Variants in SLC7A13 observed in about 807,000 individuals in gnomAD.
The protein encoded by SLC7A13 is X-amino acid transporter 2.
In SLC7A13, 31 loss-of-function variants were observed where a neutral mutation model predicts 32.0. That is an observed-to-expected ratio of 0.97 (90% CI 0.73 to 1.31). The LOEUF is 1.31. Among genes scored for constraint, SLC7A13 ranks in the 50% most tolerant of loss-of-function variants. The probability of loss-of-function intolerance (pLI) is 0.00; values close to 1 mark genes in which losing one functional copy is unlikely to be tolerated. For missense variants in SLC7A13, 633 were observed against 546.9 expected, an observed-to-expected ratio of 1.16 and a Z score of -1.57; for synonymous variants, 232 against 206.9, an observed-to-expected ratio of 1.12 and a Z score of -1.04.
chr8:86,219,956 T>C (rs1051566984), intron 2 of SLC7A13, among the ~76,000 whole-genome samples: 1 of 152,144 alleles, frequency 6.6e-6, no homozygotes, highest in African/African-American at 2.4e-5. Context: ...TATTACAAAA[T>C]TGCCCTCCAA....
intron 2 of SLC7A13, among the ~76,000 whole-genome samples, chr8:86,220,745 T>G (rs1820279997): frequency 6.6e-6 from 1 of 152,118 alleles, no homozygotes; most frequent in Non-Finnish European, 1.5e-5. Flanking sequence ...GGCTCACGTC[T>G]GTAACCCCAG....
At chr8:86,227,313 A>T (rs932473456) in intron 1 of SLC7A13, among the ~76,000 whole-genome samples, 1 of 152,170 alleles carries the variant, frequency 6.6e-6, no homozygotes, top group African/African-American at 2.4e-5. Context: ...AAGGAAAAGA[A>T]CTGATTTTTT....
chr8:86,226,798 A>T (rs1820394914), intron 1 of SLC7A13, among the ~76,000 whole-genome samples: 1 of 152,102 alleles, frequency 6.6e-6, no homozygotes, highest in African/African-American at 2.4e-5. Flanking sequence ...TTATATCTAC[A>T]CTGCATGCTT....
At chr8:86,215,670 G>A (rs1274920560) in intron 3 of SLC7A13, 1 of 446,456 alleles carries the variant, frequency 2.2e-6, no homozygotes, top group Non-Finnish European at 4.5e-6. Context: ...TCTCCAGCCT[G>A]GACGACAAGA....
intron 2 of SLC7A13, among the ~76,000 whole-genome samples, chr8:86,218,959 A>C (rs771895139): frequency 5.9e-5 from 9 of 152,190 alleles, no homozygotes; most frequent in Non-Finnish European, 1.3e-4. Context: ...ATACTGGCTT[A>C]TAACACAAGG....
At position 86,224,762 on chromosome 8, in the gene SLC7A13, A is replaced by G. The variant is rs551982310; in HGVS notation, c.686-1659T>C. Among the ~76,000 whole-genome samples the G allele has an allele frequency of 1.5e-4, 23 of 152,362 alleles. No homozygotes were observed. The South Asian group carries it at 4.8e-3, about 32-fold the overall frequency. On this transcript the variant is annotated intron_variant, in intron 1 of 3. Transcript: ENST00000297524. ...CCACTGGAAGCCAATGATTTTCGGTATACAGGAAAATTTATCTCAAGAATT... is the reference window on the plus strand; with the variant it reads ...CCACTGGAAGCCAATGATTTTCGGTGTACAGGAAAATTTATCTCAAGAATT...
Position 86,229,740 on chromosome 8 carries a change from C to G in SLC7A13, c.538G>C (p.Val180Leu), listed in dbSNP as rs780882826. Residue 180 changes from valine (V) to leucine (L), a missense_variant, in exon 1 of 4, where the codon GTG (valine) becomes CTG (leucine). Coordinates refer to ENST00000297524, the MANE Select transcript of SLC7A13 (RefSeq NM_138817.3). ...ILSFISLTGV[V>L]FLIRGKKENV... ...TCCTTTTTCCCTCTTATCAGGAACACTACTCCAGTTAGGGAAATGAAGCTA... is the reference window on the plus strand; with the variant it reads ...TCCTTTTTCCCTCTTATCAGGAACAGTACTCCAGTTAGGGAAATGAAGCTA... The G allele has an allele frequency of 6.2e-7, 1 of 1,614,186 alleles. No homozygotes were observed.
chr8:86,226,800 T>C (rs1820394953), intron 1 of SLC7A13, among the ~76,000 whole-genome samples: 1 of 152,218 alleles, frequency 6.6e-6, no homozygotes, highest in East Asian at 1.9e-4. Context: ...ATATCTACAC[T>C]GCATGCTTCT....
intron 1 of SLC7A13, among the ~76,000 whole-genome samples, chr8:86,225,408 G>C (rs1018336279): frequency 3.3e-5 from 5 of 152,104 alleles, no homozygotes. Flanking sequence ...CATATAATAA[G>C]TGCTGAATAA....
chr8:86,216,125 A>G (rs1404532481), intron 3 of SLC7A13, among the ~76,000 whole-genome samples: 1 of 152,218 alleles, frequency 6.6e-6, no homozygotes, highest in African/African-American at 2.4e-5. Context: ...TGTTATTTGT[A>G]TATAACAAAT....
Position 86,217,480 on chromosome 8 carries a change from A to G in SLC7A13, c.1169T>C (p.Ile390Thr), listed in dbSNP as rs755222806. 7 of 1,576,540 alleles carry G rather than the reference A, an allele frequency of 4.4e-6. No individual in the cohort carries two copies. Among genetic ancestry groups the G allele is most frequent in the African/African-American group, 1.4e-5 (1 of 73,360 alleles). The change falls in exon 3 of 4, where the codon ATA (isoleucine) becomes ACA (threonine). Residue 390 changes from isoleucine (I) to threonine (T), a missense_variant. By Grantham distance (89) the Ile-to-Thr change is moderately conservative. Coordinates refer to ENST00000297524, the MANE Select transcript of SLC7A13 (RefSeq NM_138817.3). ...RRRYQEPNLS[I>T]PYKVFLSFPL... ...GAAATCCAATTTTACCTTATAAGGT[A>G]TAGATAGATTGGGTTCCTGGTATCT...
rs1586146092 is a variant in SLC7A13, at chr8:86,221,337, T to G, written c.817+1635A>C. On this transcript the variant is annotated intron_variant, in intron 2 of 3. Coordinates refer to ENST00000297524, the MANE Select transcript of SLC7A13 (RefSeq NM_138817.3). ...GATATTTTTATGGTTTTTAATTTTT[T>G]GCTATCATACATAAAGCTATGATTA... 2.0e-5 allele frequency among the ~76,000 whole-genome samples: 3 copies of G among 152,312 alleles called. No individual in the cohort carries two copies. The East Asian group carries it at 5.8e-4, about 29-fold the overall frequency.
intron 1 of SLC7A13, 30 bp from the exon 2 acceptor site, chr8:86,223,133 T>C (rs377459655): frequency 1.4e-5 from 21 of 1,528,050 alleles, no homozygotes; most frequent in African/African-American, 4.2e-5. Flanking sequence ...ACAACCATAA[T>C]TGGTAAACAT....
intron 2 of SLC7A13, among the ~76,000 whole-genome samples, chr8:86,218,684 A>G (rs1820237787): frequency 6.6e-6 from 1 of 151,582 alleles, no homozygotes; most frequent in Admixed American, 6.6e-5. Flanking sequence ...AAGATAAAAG[A>G]TCTTATGAGT....
chr8:86,229,292 C>T (rs1413752788), intron 1 of SLC7A13, among the ~76,000 whole-genome samples: 1 of 148,830 alleles, frequency 6.7e-6, no homozygotes, highest in Non-Finnish European at 1.5e-5. Context: ...AATATTTTCA[C>T]AACCCCAGCA....
At chr8:86,226,379 A>G (rs1563591738) in intron 1 of SLC7A13, among the ~76,000 whole-genome samples, 1 of 152,192 alleles carries the variant, frequency 6.6e-6, no homozygotes, top group Non-Finnish European at 1.5e-5. Context: ...AACTCAATGC[A>G]AACTGACTTC....
At position 86,230,031 on chromosome 8, in the gene SLC7A13, A is replaced by G; in HGVS notation, c.247T>C (p.Phe83Leu). The G allele has an allele frequency of 6.2e-7, 1 of 1,614,180 alleles. No individual in the cohort carries two copies. Among genetic ancestry groups the G allele is most frequent in the Non-Finnish European group, 8.5e-7 (1 of 1,180,034 alleles). The part of the protein sequence containing the change: ...SFPCSGAQYY[F>L]LKRYFGSTVA... ...GTGGAGCCAAAGTATCTCTTGAGAAAATAGTATTGAGCTCCACTGCATGGG... is the reference window on the plus strand; with the variant it reads ...GTGGAGCCAAAGTATCTCTTGAGAAGATAGTATTGAGCTCCACTGCATGGG... The change falls in exon 1 of 4, where the codon TTT (phenylalanine) becomes CTT (leucine). Residue 83 changes from phenylalanine to leucine, a missense_variant. Coordinates refer to ENST00000297524, the MANE Select transcript of SLC7A13 (RefSeq NM_138817.3).
At chr8:86,228,068 A>C (rs377126389) in intron 1 of SLC7A13, among the ~76,000 whole-genome samples, 3 of 152,194 alleles carry the variant, frequency 2.0e-5, no homozygotes, top group Non-Finnish European at 4.4e-5. Flanking sequence ...AAACCTGTAC[A>C]TGATCCCTGA....
intron 2 of SLC7A13, among the ~76,000 whole-genome samples, chr8:86,220,886 C>G (rs1820283744): frequency 6.7e-6 from 1 of 149,262 alleles, no homozygotes; most frequent in Admixed American, 6.8e-5. Context: ...CCCAGCTACT[C>G]AAAAGGCTGA....
Sources: allele counts gnomAD v4.1 joint callset (sites outside exome capture counted in the v4.1 genomes callset), GRCh38; gene constraint gnomAD v4.1.1; transcripts MANE v1.5; gene names NCBI Gene and HGNC (gene_info 2026-07-23, HGNC 2026-07-21).